The following OSTF1 variants were observed in gnomAD, a reference collection of about 807,000 sequenced individuals.
OSTF1 encodes osteoclast-stimulating factor 1.
In OSTF1, 27 loss-of-function variants were observed where a neutral mutation model predicts 37.2. That is an observed-to-expected ratio of 0.73 (90% CI 0.54 to 1.00). The LOEUF is 1.00. OSTF1 is among the 50% of genes least tolerant of loss of function. The pLI is 0.00. For missense variants in OSTF1, 232 were observed against 253.8 expected, an observed-to-expected ratio of 0.91 and a Z score of 0.58; for synonymous variants, 82 against 89.2, an observed-to-expected ratio of 0.92 and a Z score of 0.46.
chr9:75,117,392 C>A, intron 1 of OSTF1, 112 bp from the exon 2 acceptor site: 1 of 713,474 alleles, frequency 1.4e-6, no homozygotes, highest in Non-Finnish European at 2.4e-6. Flanking sequence ...CTCTGTTCTA[C>A]TTGATCACAT....
At chr9:75,137,181 A>G (rs1325107338) in intron 7 of OSTF1, among the ~76,000 whole-genome samples, 2 of 152,154 alleles carry the variant, frequency 1.3e-5, no homozygotes, top group Admixed American at 6.5e-5. Context: ...TTTCCCACCC[A>G]TGCCTCATGC....
rs530225264 is a variant in OSTF1, at chr9:75,113,955, C to T, written c.35-3549C>T. On this transcript the variant is annotated intron_variant, in intron 1 of 9. Transcript: ENST00000346234. ...CAGCATCCCCCCAAGTCTCCCTACC[C>T]GCCAGCCTCTGGCAACCACTATATT... Among the ~76,000 whole-genome samples, 12 of 152,290 alleles carry T rather than the reference C, an allele frequency of 7.9e-5. No individual in the cohort carries two copies. The East Asian group carries it at 9.6e-4, about 12-fold the overall frequency.
intron 2 of OSTF1, among the ~76,000 whole-genome samples, chr9:75,122,783 C>A (rs987759829): frequency 6.6e-6 from 1 of 152,142 alleles, no homozygotes; most frequent in African/African-American, 2.4e-5. Context: ...GTTAATATTT[C>A]TGAATGCCCA....
At chr9:75,109,437 T>A (rs941051009) in intron 1 of OSTF1, among the ~76,000 whole-genome samples, 4 of 152,378 alleles carry the variant, frequency 2.6e-5, no homozygotes, top group Middle Eastern at 6.8e-3. Context: ...TTGGTAAATT[T>A]ATTAATTAAA....
chr9:75,092,326 T>C (rs538472838), intron 1 of OSTF1, among the ~76,000 whole-genome samples: 61 of 152,354 alleles, frequency 4.0e-4, no homozygotes, highest in African/African-American at 1.5e-3. Flanking sequence ...TTTGGGTTTT[T>C]GGCCATATCC....
At chr9:75,102,443 C>G (rs1825210179) in intron 1 of OSTF1, among the ~76,000 whole-genome samples, 1 of 152,084 alleles carries the variant, frequency 6.6e-6, no homozygotes, top group Admixed American at 6.6e-5. Context: ...AGAATACAAA[C>G]AAAAAATATC....
chr9:75,100,955 C>T (rs1397277239), intron 1 of OSTF1, among the ~76,000 whole-genome samples: 1 of 152,176 alleles, frequency 6.6e-6, no homozygotes, highest in Non-Finnish European at 1.5e-5. Context: ...TTCCCGTTCT[C>T]TGGGGAAATC....
chr9:75,145,533 C>A (rs905925613), intron 9 of OSTF1, among the ~76,000 whole-genome samples: 3 of 152,152 alleles, frequency 2.0e-5, no homozygotes, highest in African/African-American at 7.2e-5. Context: ...TAAATCACTT[C>A]TTTTTGAGTT....
At chr9:75,139,391 C>G (rs1825903542) in intron 8 of OSTF1, among the ~76,000 whole-genome samples, 3 of 151,998 alleles carry the variant, frequency 2.0e-5, no homozygotes, top group Non-Finnish European at 2.9e-5. Context: ...CTTTCCTACA[C>G]TGTGGCAGAA....
At chr9:75,135,403 G>C (rs1825826705) in intron 7 of OSTF1, among the ~76,000 whole-genome samples, 1 of 152,062 alleles carries the variant, frequency 6.6e-6, no homozygotes, top group Non-Finnish European at 1.5e-5. Flanking sequence ...TGATGTGCTA[G>C]CATTCATCTC....
chr9:75,122,539 C>T (rs1227254289), intron 2 of OSTF1, among the ~76,000 whole-genome samples: 1 of 152,120 alleles, frequency 6.6e-6, no homozygotes, highest in Non-Finnish European at 1.5e-5. Flanking sequence ...TCCAAGGTGG[C>T]CAGCTGTTAA....
intron 1 of OSTF1, among the ~76,000 whole-genome samples, chr9:75,093,162 A>G (rs1367148528): frequency 2.7e-5 from 4 of 148,298 alleles, no homozygotes; most frequent in African/African-American, 7.6e-5. Context: ...CTTCCAGAGT[A>G]TCTGGAATTA....
At chr9:75,143,911 G>A (rs952050433) in intron 9 of OSTF1, among the ~76,000 whole-genome samples, 11 of 152,192 alleles carry the variant, frequency 7.2e-5, no homozygotes, top group African/African-American at 2.7e-4. Context: ...GCTGACTTGT[G>A]CCTGTCTTTT....
At chr9:75,098,557 G>A (rs1183640262) in intron 1 of OSTF1, among the ~76,000 whole-genome samples, 2 of 152,018 alleles carry the variant, frequency 1.3e-5, no homozygotes, top group African/African-American at 4.8e-5. Context: ...AATGGCCATC[G>A]AGATACTGAA....
intron 1 of OSTF1, among the ~76,000 whole-genome samples, chr9:75,098,524 C>G (rs188083566): frequency 1.8e-4 from 27 of 152,154 alleles, no homozygotes; most frequent in Admixed American, 1.6e-3. Flanking sequence ...CAAGGAGACC[C>G]TTGCAAAATG....
rs1166508529 is a variant in OSTF1, at chr9:75,146,687, A to T, written c.591A>T (p.Ala197=). The part of the protein sequence containing the change: ...SLLKKKQGTD[A]VRTLSNAEDY... ...TTTCCCTCCTCTTTCTTTCAGATGC[A>T]GTTCGAACATTAAGCAATGCCGAGG... is the stretch of plus-strand genomic sequence containing the variant. Residue 197 remains alanine (A), a synonymous_variant, in exon 10 of 10, where the codon GCA becomes GCT. Coordinates refer to ENST00000346234, the MANE Select transcript of OSTF1 (RefSeq NM_012383.5). 1.2e-6 allele frequency: 2 copies of T among 1,606,434 alleles called. No individual in the cohort carries two copies. The highest frequency in any genetic ancestry group is 1.7e-6 in the Non-Finnish European group (2 of 1,174,726).
chr9:75,135,851 A>G (rs1825834506), intron 7 of OSTF1, among the ~76,000 whole-genome samples: 1 of 152,198 alleles, frequency 6.6e-6, no homozygotes, highest in South Asian at 2.1e-4. Flanking sequence ...CTGTAGTATT[A>G]CTGAGGCCCT....
intron 2 of OSTF1, among the ~76,000 whole-genome samples, chr9:75,118,370 A>G (rs954140718): frequency 2.6e-5 from 4 of 152,168 alleles, no homozygotes; most frequent in African/African-American, 9.7e-5. Context: ...AGTTGCAAAC[A>G]TGGGAGAGGG....
intron 1 of OSTF1, among the ~76,000 whole-genome samples, chr9:75,116,207 A>G (rs1357161482): frequency 1.3e-5 from 2 of 152,164 alleles, no homozygotes; most frequent in African/African-American, 4.8e-5. Flanking sequence ...TAAGTAATCT[A>G]AAGATGATTT....
Sources: allele counts gnomAD v4.1 joint callset (sites outside exome capture counted in the v4.1 genomes callset), GRCh38; gene constraint gnomAD v4.1.1; transcripts MANE v1.5; gene names NCBI Gene and HGNC (gene_info 2026-07-23, HGNC 2026-07-21).